The following TLCD2 variants were observed in gnomAD, a reference collection of about 807,000 sequenced individuals.
TLCD2 encodes the protein TLC domain containing 2.
Under a neutral mutation model 14.0 loss-of-function variants are expected in TLCD2, and 12 were observed. The observed-to-expected ratio is 0.86, with a 90% confidence interval of 0.55 to 1.39. TLCD2 has a LOEUF of 1.39. Among genes scored for constraint, TLCD2 ranks in the 40% most tolerant of loss-of-function variants. The pLI is 0.00. For synonymous variants in TLCD2, 166 were observed against 156.5 expected, an observed-to-expected ratio of 1.06 and a Z score of -0.45; for missense variants, 360 against 346.8, an observed-to-expected ratio of 1.04 and a Z score of -0.30.
In TLCD2 at chr17:1,703,553, C is replaced by G. The variant is rs548642089; in HGVS notation, c.*4217G>C. 2 of 152,128 alleles carry G rather than the reference C, an allele frequency of 1.3e-5. No individual in the cohort carries two copies. Among genetic ancestry groups the G allele is most frequent in the African/African-American group, 2.4e-5 (1 of 41,430 alleles). The allele number at this position is 152,128 out of a possible 1,614,324, so 9.4% of individuals were successfully genotyped here. On this transcript the variant is annotated 3_prime_UTR_variant, in exon 4 of 4. Transcript: ENST00000330676. ...GCCTCAGCCTCCTGAGTAGCTGGGACTACAGGCGCCCGCCACCACGCCCGG... is the reference window on the plus strand; with the variant it reads ...GCCTCAGCCTCCTGAGTAGCTGGGAGTACAGGCGCCCGCCACCACGCCCGG...
In TLCD2 at chr17:1,708,036, GGA is replaced by G. The variant is rs1255256236; in HGVS notation, c.527_528del (p.Phe176SerfsTer49). The G allele has an allele frequency of 3.8e-5, 59 of 1,537,108 alleles. No individual in the cohort carries two copies. Among genetic ancestry groups the G allele is most frequent in the African/African-American group, 5.5e-5 (4 of 73,050 alleles). On this transcript the variant is annotated frameshift_variant, in exon 4 of 4. Coordinates refer to ENST00000330676, the MANE Select transcript of TLCD2 (RefSeq NM_001164407.2). LOFTEE classifies it low-confidence loss of function (END_TRUNC). ...SWASLATLAL[F>X]RLVPLGWMSL... ...CTCATCCACCCCAGCGGGACCAGGC[GGA>G]AGAGGGCCAAGGTGGCCAAGGAGGC...
chr17:1,708,620 G>A lies in TLCD2; in HGVS notation c.343-398C>T, dbSNP rs184882178. Among the ~76,000 whole-genome samples, 6 of 151,852 alleles carry A rather than the reference G, an allele frequency of 4.0e-5. No individual in the cohort carries two copies. The East Asian group carries it at 7.8e-4, about 20-fold the overall frequency. ...TCCTGCCTCAGCTTCCAGAGTAGCT[G>A]GGACTACCGGTGCGCGCCACCACAC... On this transcript the variant is annotated intron_variant, in intron 3 of 3. Transcript: ENST00000330676.
At chr17:1,709,940 C>A (rs1056176272) in intron 1 of TLCD2, 54 bp from the exon 2 acceptor site, 2 of 1,515,632 alleles carry the variant, frequency 1.3e-6, no homozygotes, top group Non-Finnish European at 1.8e-6. Flanking sequence ...TCTCGAGGCC[C>A]CGGCCGCAGT....
Position 1,707,645 on chromosome 17 carries a change from T to C in TLCD2, c.*125A>G. On this transcript the variant is annotated 3_prime_UTR_variant, in exon 4 of 4. Transcript: ENST00000330676. ...GGAAGGGGAAGGGATGTGAGTTAGC[T>C]GGAAGAGAAACTGAGATTCTGATGA... is the stretch of plus-strand genomic sequence containing the variant. The C allele has an allele frequency of 1.3e-6, 1 of 749,954 alleles. No homozygotes were observed. The highest frequency in any genetic ancestry group is 2.0e-6 in the Non-Finnish European group (1 of 490,832). The allele number at this position is 749,954 out of a possible 1,614,324, so 46.5% of individuals were successfully genotyped here. A position where few individuals can be genotyped will look rare whatever the true frequency, so the allele number is the denominator to read the frequency against.
Position 1,709,793 on chromosome 17 carries a change from T to A in TLCD2, c.259+11A>T. On this transcript the variant is annotated intron_variant, in intron 2 of 3. Transcript: ENST00000330676. Reference sequence around the variant, plus strand: ...TCCCCACCACCGGCCCAGCCTTCCCTGCAGACTCACCCACAGACACAGCCA... The same window carrying A: ...TCCCCACCACCGGCCCAGCCTTCCCAGCAGACTCACCCACAGACACAGCCA... The A allele has an allele frequency of 1.4e-6, 2 of 1,449,104 alleles. No homozygotes were observed. The highest frequency in any genetic ancestry group is 1.9e-6 in the Non-Finnish European group (2 of 1,067,920). 89.8% of individuals were successfully genotyped at this position (1,449,104 alleles called of 1,614,324 possible).
rs1387718228 is a variant in TLCD2, at chr17:1,710,029, G to A, written c.176+38C>T. The A allele has an allele frequency of 7.9e-6, 12 of 1,526,678 alleles. No homozygotes were observed. The highest frequency in any genetic ancestry group is 2.5e-5 in the East Asian group (1 of 40,772). 94.6% of individuals were successfully genotyped at this position (1,526,678 alleles called of 1,614,324 possible). A position where few individuals can be genotyped will look rare whatever the true frequency, so the allele number is the denominator to read the frequency against. On this transcript the variant is annotated intron_variant, in intron 1 of 3. Transcript: ENST00000330676. The surrounding 1 kb of genome is among the most constrained non-coding windows in gnomAD (Gnocchi z 6.1). ...TCCCGGCCTCAGCCTCCCACCCCTC[G>A]CCCTCGCCCCGTGCGCCTCGAGCCC...
In TLCD2 at chr17:1,707,733, GC is replaced by G; in HGVS notation, c.*36del. On this transcript the variant is annotated 3_prime_UTR_variant, in exon 4 of 4. Coordinates refer to ENST00000330676, the MANE Select transcript of TLCD2 (RefSeq NM_001164407.2). ...GGAAGACCCTCATCTCCTTGTCCTG[GC>G]CCCACCTCCCCCAGCGAGGGGCCCA... is the stretch of plus-strand genomic sequence containing the variant. 6.9e-7 allele frequency: 1 copy of G among 1,450,712 alleles called. No homozygotes were observed. The highest frequency in any genetic ancestry group is 9.1e-7 in the Non-Finnish European group (1 of 1,099,116). The allele number at this position is 1,450,712 out of a possible 1,614,324, so 89.9% of individuals were successfully genotyped here.
Position 1,709,790 on chromosome 17 carries a change from C to T in TLCD2, c.259+14G>A, listed in dbSNP as rs1465470175. ...CCATCCCCACCACCGGCCCAGCCTT[C>T]CCTGCAGACTCACCCACAGACACAG... On this transcript the variant is annotated intron_variant, in intron 2 of 3. Coordinates refer to ENST00000330676, the MANE Select transcript of TLCD2 (RefSeq NM_001164407.2). 6.8e-7 allele frequency: 1 copy of T among 1,465,086 alleles called. No homozygotes were observed. The highest frequency in any genetic ancestry group is 9.2e-7 in the Non-Finnish European group (1 of 1,082,802). 90.8% of individuals were successfully genotyped at this position (1,465,086 alleles called of 1,614,324 possible). A position where few individuals can be genotyped will look rare whatever the true frequency, so the allele number is the denominator to read the frequency against.
At position 1,710,361 on chromosome 17, in the gene TLCD2, G is replaced by A; in HGVS notation, c.-119C>T. 1 of 851,908 alleles carries A rather than the reference G, an allele frequency of 1.2e-6. No homozygotes were observed. Among genetic ancestry groups the A allele is most frequent in the Non-Finnish European group, 1.7e-6 (1 of 591,898 alleles). The allele number at this position is 851,908 out of a possible 1,614,324, so 52.8% of individuals were successfully genotyped here. On this transcript the variant is annotated 5_prime_UTR_variant, in exon 1 of 4. Coordinates refer to ENST00000330676, the MANE Select transcript of TLCD2 (RefSeq NM_001164407.2). The surrounding 1 kb of genome is among the most constrained non-coding windows in gnomAD (Gnocchi z 6.1). ...TGGGGCCCCGGCTCCCCTCCCCGCC[G>A]CGCCTTTGGGATCAGCAGGAACTTT...
Position 1,707,778 on chromosome 17 carries a change from T to G in TLCD2, c.787A>C (p.Lys263Gln), listed in dbSNP as rs1180557987. 4.7e-6 allele frequency: 7 copies of G among 1,491,008 alleles called. No homozygotes were observed. 92.4% of individuals were successfully genotyped at this position (1,491,008 alleles called of 1,614,324 possible). The change falls in exon 4 of 4, where the codon AAA becomes CAA. Residue 263 changes from lysine (K) to glutamine (Q), a missense_variant. Physicochemically the swap from Lys to Gln is moderately conservative, Grantham distance 53. Transcript: ENST00000330676. ...VTSNSSTLSLKD is the reference protein window; with the variant it reads ...VTSNSSTLSLQD ...GGGCCCATGGCTTCTCTCTAGTCTTTCAGGCTGAGAGTCGAACTGTTGCTG... is the reference window on the plus strand; with the variant it reads ...GGGCCCATGGCTTCTCTCTAGTCTTGCAGGCTGAGAGTCGAACTGTTGCTG...
Position 1,710,178 on chromosome 17 carries a change from C to T in TLCD2, c.65G>A (p.Gly22Glu). The change falls in exon 1 of 4, where the codon GGG becomes GAG. Residue 22 changes from glycine to glutamate, a missense_variant. Physicochemically the swap from Gly to Glu is moderately conservative, Grantham distance 98. Transcript: ENST00000330676. This position sits in a 1 kb window ranked among gnomAD's most constrained non-coding sequence, Gnocchi z 6.1. The part of the protein sequence containing the change: ...SFLAFRGLHW[G>E]LRRLPTPESA... ...TTCCGGCGTGGGCAGCCGCCGCAAC[C>T]CCCAGTGCAGCCCCCGGAACGCGAG... is the stretch of plus-strand genomic sequence containing the variant. 2.0e-6 allele frequency: 3 copies of T among 1,532,446 alleles called. No individual in the cohort carries two copies. Among genetic ancestry groups the T allele is most frequent in the Non-Finnish European group, 2.6e-6 (3 of 1,145,938 alleles). 94.9% of individuals were successfully genotyped at this position (1,532,446 alleles called of 1,614,324 possible).
At chr17:1,708,767 G>A (rs915469588) in intron 3 of TLCD2, among the ~76,000 whole-genome samples, 6 of 152,200 alleles carry the variant, frequency 3.9e-5, no homozygotes, top group East Asian at 1.9e-4. Flanking sequence ...ATAGGCATAA[G>A]CCACCGTGCC....
At chr17:1,708,255 CA>C in intron 3 of TLCD2, 33 bp from the exon 4 acceptor site, 3 of 1,441,366 alleles carry the variant, frequency 2.1e-6, no homozygotes, top group Non-Finnish European at 2.8e-6. Context: ...AGAGGAACCC[CA>C]TGACCTGCCA....
Position 1,710,145 on chromosome 17 carries a change from G to A in TLCD2, c.98C>T (p.Ala33Val). 1 of 1,533,344 alleles carries A rather than the reference G, an allele frequency of 6.5e-7. No individual in the cohort carries two copies. The highest frequency in any genetic ancestry group is 8.7e-7 in the Non-Finnish European group (1 of 1,146,288). 95.0% of individuals were successfully genotyped at this position (1,533,344 alleles called of 1,614,324 possible). A position where few individuals can be genotyped will look rare whatever the true frequency, so the allele number is the denominator to read the frequency against. ...LRRLPTPESA[A>V]RDRWQWWNLC... ...GTTCCACCACTGCCAGCGGTCCCGA[G>A]CGGCCGATTCCGGCGTGGGCAGCCG... The change falls in exon 1 of 4, where the codon GCT becomes GTT. Residue 33 changes from alanine (A) to valine (V), a missense_variant. By Grantham distance (64) the Ala-to-Val change is moderately conservative (BLOSUM62 0). Coordinates refer to ENST00000330676, the MANE Select transcript of TLCD2 (RefSeq NM_001164407.2). The surrounding 1 kb of genome is among the most constrained non-coding windows in gnomAD (Gnocchi z 6.1).
In TLCD2 at chr17:1,707,996, CG is replaced by C. The variant is rs1567705951; in HGVS notation, c.568del (p.Arg190GlyfsTer24). The part of the protein sequence containing the change: ...PLGWMSLWLF[R>X]QHHQVPLALV... ...AGCAAGAGGAACCTGGTGGTGCTGC[CG>C]GAACAGCCACAGACTCATCCACCCC... On this transcript the variant is annotated frameshift_variant, in exon 4 of 4. Coordinates refer to ENST00000330676, the MANE Select transcript of TLCD2 (RefSeq NM_001164407.2). LOFTEE classifies it low-confidence loss of function (END_TRUNC). The C allele has an allele frequency of 6.5e-7, 1 of 1,537,186 alleles. No homozygotes were observed. The highest frequency in any genetic ancestry group is 2.4e-5 in the East Asian group (1 of 40,910).
chr17:1,708,676 G>A (rs1412462038), intron 3 of TLCD2, among the ~76,000 whole-genome samples: 14 of 151,806 alleles, frequency 9.2e-5, no homozygotes, highest in East Asian at 1.9e-4. Flanking sequence ...TAGTAGAGAC[G>A]GGGTTTCACT....
At chr17:1,709,221 T>C (rs1914137429) in intron 3 of TLCD2, among the ~76,000 whole-genome samples, 2 of 151,900 alleles carry the variant, frequency 1.3e-5, no homozygotes, top group African/African-American at 2.4e-5. Context: ...AAACCCCGTC[T>C]TTACTAAAAA....
chr17:1,709,921 T>A, intron 1 of TLCD2, 35 bp from the exon 2 acceptor site: 1 of 1,490,666 alleles, frequency 6.7e-7, no homozygotes, highest in Non-Finnish European at 9.0e-7. Context: ...GGGGGGGGCA[T>A]GGTCAGCCTC....
In TLCD2 at chr17:1,708,153, G is replaced by A. The variant is rs1914096769; in HGVS notation, c.412C>T (p.Leu138=). Residue 138 remains leucine, a synonymous_variant, in exon 4 of 4, where the codon CTG becomes TTG. Transcript: ENST00000330676. The stretch of plus-strand genomic sequence containing the variant: ...TGCAAGCAGGCAGAGTTCAGTTCCA[G>A]GAGCAGAGACACCATGGAGAAGCCC... The part of the protein sequence containing the change: ...YVGFSMVSLL[L]ELNSACLHLR... The A allele has an allele frequency of 1.3e-6, 2 of 1,536,720 alleles. No homozygotes were observed. The highest frequency in any genetic ancestry group is 1.2e-5 in the South Asian group (1 of 84,062).
Sources: gnomAD v4.1 joint callset for allele counts (sites outside exome capture counted in the v4.1 genomes callset) on GRCh38, gnomAD v4.1.1 for gene constraint, Gnocchi (gnomAD v3.1) non-coding constraint, MANE v1.5 for transcripts, NCBI Gene and HGNC (gene_info 2026-07-23, HGNC 2026-07-21) for gene names.